ADAMTS12: variants seen among roughly 807,000 people sequenced by gnomAD.
ADAMTS12 encodes the protein ADAM metallopeptidase with thrombospondin type 1 motif 12, also known as A disintegrin and metalloproteinase with thrombospondin motifs 12.
A neutral mutation model predicts 167.8 loss-of-function variants in ADAMTS12; 118 were observed. The ratio of observed to expected loss-of-function variants is 0.70; its 90% CI spans 0.61 to 0.82. The LOEUF is 0.82. ADAMTS12 is among the 40% of genes least tolerant of loss of function. The pLI is 0.00. For missense variants in ADAMTS12, 1,916 were observed against 1,998.8 expected (o/e 0.96, Z 0.79); for synonymous variants, 704 against 716.9 (o/e 0.98, Z 0.29).
At chr5:33,541,378 GAGA>G (rs1468713247) in intron 22 of ADAMTS12, among the ~76,000 whole-genome samples, 1 of 152,146 alleles carries the variant, frequency 6.6e-6, no homozygotes, top group Non-Finnish European at 1.5e-5. Flanking sequence ...TGAAAGTGAG[GAGA>G]AGAATGGAAC....
chr5:33,672,516 C>G (rs1044152354), intron 5 of ADAMTS12, among the ~76,000 whole-genome samples: 1 of 152,228 alleles, frequency 6.6e-6, no homozygotes, highest in Non-Finnish European at 1.5e-5. Flanking sequence ...CTTGTTCTCC[C>G]TTAGCTCACA....
chr5:33,857,103 CAT>C (rs1749428276), intron 2 of ADAMTS12, among the ~76,000 whole-genome samples: 1 of 152,148 alleles, frequency 6.6e-6, no homozygotes, highest in Admixed American at 6.6e-5. Flanking sequence ...GAAAACCTGT[CAT>C]GTGTGACAAC....
At chr5:33,751,601 TA>T in intron 2 of ADAMTS12, 53 bp from the exon 3 acceptor site, 1 of 1,575,452 alleles carries the variant, frequency 6.3e-7, no homozygotes, top group Non-Finnish European at 8.7e-7. Context: ...ACATACCTAC[TA>T]AAAACAAAGT....
intron 19 of ADAMTS12, among the ~76,000 whole-genome samples, chr5:33,566,169 A>T (rs1009884071): frequency 2.0e-5 from 3 of 152,224 alleles, no homozygotes; most frequent in Non-Finnish European, 4.4e-5. Flanking sequence ...TTCAAATGGA[A>T]TAGCCAAAAC....
At chr5:33,867,413 T>A (rs926661068) in intron 2 of ADAMTS12, among the ~76,000 whole-genome samples, 1 of 152,100 alleles carries the variant, frequency 6.6e-6, no homozygotes, top group African/African-American at 2.4e-5. Context: ...AAGCTATGGA[T>A]AATCAAAGGC....
At chr5:33,561,248 A>T in intron 19 of ADAMTS12, 69 bp from the exon 20 acceptor site, 1 of 1,569,498 alleles carries the variant, frequency 6.4e-7, no homozygotes, top group Non-Finnish European at 8.7e-7. Flanking sequence ...CATCACTGGG[A>T]TCCTGGAGTC....
intron 8 of ADAMTS12, among the ~76,000 whole-genome samples, chr5:33,649,177 A>G (rs1180933498): frequency 1.3e-5 from 2 of 152,234 alleles, no homozygotes; most frequent in Non-Finnish European, 2.9e-5. Context: ...TATCTAGAAA[A>G]TACAAGCCAT....
At chr5:33,771,263 T>C (rs1339480830) in intron 2 of ADAMTS12, among the ~76,000 whole-genome samples, 1 of 152,182 alleles carries the variant, frequency 6.6e-6, no homozygotes, top group Non-Finnish European at 1.5e-5. Context: ...TCTTTATTCC[T>C]TTAGCTTAAA....
At chr5:33,542,121 C>CA (rs201911187) in intron 22 of ADAMTS12, among the ~76,000 whole-genome samples, 300 of 143,502 alleles carry the variant, frequency 2.1e-3, no homozygotes, top group Non-Finnish European at 3.2e-3. Context: ...CACATAGGCT[C>CA]AAAAAAAAAG....
chr5:33,718,851 C>T (rs1043670281), intron 3 of ADAMTS12, among the ~76,000 whole-genome samples: 16 of 152,136 alleles, frequency 1.1e-4, no homozygotes, highest in Admixed American at 3.3e-4. Flanking sequence ...ATTGCATGCA[C>T]TTGCCTAGGT....
intron 3 of ADAMTS12, among the ~76,000 whole-genome samples, chr5:33,742,522 T>C (rs968403567): frequency 2.6e-5 from 4 of 152,184 alleles, no homozygotes; most frequent in Non-Finnish European, 5.9e-5. Context: ...CCAGTGCTCT[T>C]GGAATGCTGA....
intron 19 of ADAMTS12, among the ~76,000 whole-genome samples, chr5:33,569,278 G>A (rs568647932): frequency 7.2e-5 from 11 of 152,340 alleles, no homozygotes; most frequent in South Asian, 4.1e-4. Context: ...ATCTGAGAAC[G>A]GGCAGACTGC....
chr5:33,827,280 C>G (rs1472140642), intron 2 of ADAMTS12, among the ~76,000 whole-genome samples: 1 of 104,324 alleles, frequency 9.6e-6, no homozygotes, highest in East Asian at 2.5e-4. Flanking sequence ...GGTCACATAG[C>G]AAGAAATGCA....
chr5:33,720,313 C>CACACACACAT (rs1554037782), intron 3 of ADAMTS12, among the ~76,000 whole-genome samples: 3 of 150,844 alleles, frequency 2.0e-5, no homozygotes, highest in Non-Finnish European at 4.4e-5. Flanking sequence ...CACACACACA[C>CACACACACAT]GATTGCCAAT....
chr5:33,567,308 C>T (rs1163708784), intron 19 of ADAMTS12, among the ~76,000 whole-genome samples: 1 of 152,156 alleles, frequency 6.6e-6, no homozygotes, highest in Admixed American at 6.5e-5. Flanking sequence ...GCTTTCAGAC[C>T]TTATTGCCAT....
At chr5:33,614,129 G>T (rs951559997) in intron 16 of ADAMTS12, 109 bp downstream of exon 16, 122 of 1,423,850 alleles carry the variant, frequency 8.6e-5, no homozygotes, top group Non-Finnish European at 1.1e-4. Context: ...TCTCAGTGGA[G>T]CCCTGCAGAT....
chr5:33,806,817 T>G (rs1292176256), intron 2 of ADAMTS12, among the ~76,000 whole-genome samples: 36 of 152,200 alleles, frequency 2.4e-4, no homozygotes, highest in Non-Finnish European at 5.9e-5. Flanking sequence ...TCACTTTATC[T>G]TTGAAGTTTC....
Position 33,658,691 on chromosome 5 carries a change from T to C in ADAMTS12, c.1041-358A>G, listed in dbSNP as rs769290187. Among the ~76,000 whole-genome samples, 65 of 152,188 alleles carry C rather than the reference T, an allele frequency of 4.3e-4. 1 individual carries two copies. Among genetic ancestry groups the C allele is most frequent in the Non-Finnish European group, 9.0e-4 (61 of 68,022 alleles). On this transcript the variant is annotated intron_variant, in intron 6 of 23. Coordinates refer to ENST00000504830, the MANE Select transcript of ADAMTS12 (RefSeq NM_030955.4). ...TAAATAGGGAAGGAACAATCAGCAG[T>C]GACTGGAGTTTTTCAAATATGAAAA... is the stretch of plus-strand genomic sequence containing the variant.
At chr5:33,644,700 G>A (rs115662683) in intron 9 of ADAMTS12, among the ~76,000 whole-genome samples, 2,275 of 151,326 alleles carry the variant, frequency 0.015, 48 homozygotes, top group African/African-American at 0.052. Flanking sequence ...TTAGATTTTT[G>A]AATTAGAGGC....
Sources: allele counts gnomAD v4.1 joint callset (sites outside exome capture counted in the v4.1 genomes callset), GRCh38; gene constraint gnomAD v4.1.1; transcripts MANE v1.5; gene names NCBI Gene and HGNC (gene_info 2026-07-23, HGNC 2026-07-21).